The following ANGPTL7 variants were observed in gnomAD, a reference collection of about 807,000 sequenced individuals.
ANGPTL7 encodes the protein angiopoietin like 7, also known as angiopoietin-related protein 7.
Under a neutral mutation model 38.8 loss-of-function variants are expected in ANGPTL7, and 37 were observed. That is an observed-to-expected ratio of 0.95 (90% CI 0.73 to 1.25). ANGPTL7 has a LOEUF of 1.25. Among genes scored for constraint, ANGPTL7 ranks in the 50% most tolerant of loss-of-function variants. The pLI, the probability that ANGPTL7 is intolerant of heterozygous loss-of-function variation, is 0.00. For synonymous variants in ANGPTL7, 166 were observed against 163.2 expected, an observed-to-expected ratio of 1.02 and a Z score of -0.13; for missense variants, 427 against 438.6, an observed-to-expected ratio of 0.97 and a Z score of 0.24.
intron 3 of ANGPTL7, 66 bp from the exon 4 acceptor site, chr1:11,194,394 AG>A: frequency 6.9e-7 from 1 of 1,452,430 alleles, no homozygotes; most frequent in Non-Finnish European, 9.6e-7. Context: ...TCAGGAGAGA[AG>A]GGGTATAGAG....
chr1:11,190,677 T>A (rs1044879141), intron 1 of ANGPTL7, among the ~76,000 whole-genome samples: 3 of 152,246 alleles, frequency 2.0e-5, no homozygotes, highest in African/African-American at 4.8e-5. Context: ...ATAACTTTTA[T>A]TTCTGGTTAG....
chr1:11,190,841 G>GTTTAT lies in ANGPTL7; in HGVS notation c.376+886_376+887insTTTAT, dbSNP rs1186975875. On this transcript the variant is annotated intron_variant, in intron 1 of 4. Coordinates refer to ENST00000376819, the MANE Select transcript of ANGPTL7 (RefSeq NM_021146.4). ...CCATTGGTCCCATTATAAACTACAT[G>GTTTAT]AAGAACAAAGACATGATCAGCTTCT... 3.3e-5 allele frequency among the ~76,000 whole-genome samples: 5 copies of GTTTAT among 152,144 alleles called. No homozygotes were observed. In the East Asian group the frequency reaches 9.6e-4, roughly 29 times the overall value.
At chr1:11,193,806 A>G in intron 3 of ANGPTL7, 32 bp downstream of exon 3, 2 of 1,609,290 alleles carry the variant, frequency 1.2e-6, no homozygotes, top group South Asian at 1.1e-5. Context: ...CCATGACTGG[A>G]CCAGTGCCAC....
At chr1:11,191,926 G>A (rs1312537676) in intron 1 of ANGPTL7, among the ~76,000 whole-genome samples, 2 of 152,170 alleles carry the variant, frequency 1.3e-5, no homozygotes, top group Non-Finnish European at 2.9e-5. Context: ...CTATCTGACA[G>A]GAGTATCTGT....
At chr1:11,192,475 GC>G in intron 2 of ANGPTL7, 105 bp downstream of exon 2, 1 of 992,664 alleles carries the variant, frequency 1.0e-6, no homozygotes, top group South Asian at 1.4e-5. Flanking sequence ...GGAAAATTCG[GC>G]TGGGCGCAGT....
In ANGPTL7 at chr1:11,192,420, C is replaced by A. The variant is rs762478183; in HGVS notation, c.477+50C>A. 10 of 1,456,806 alleles carry A rather than the reference C, an allele frequency of 6.9e-6. No individual in the cohort carries two copies. The South Asian group carries it at 1.1e-4, about 17-fold the overall frequency. The allele number at this position is 1,456,806 out of a possible 1,614,324, so 90.2% of individuals were successfully genotyped here. A position where few individuals can be genotyped will look rare whatever the true frequency, so the allele number is the denominator to read the frequency against. On this transcript the variant is annotated intron_variant, in intron 2 of 4. Transcript: ENST00000376819. ...ATGCCCTAATACCTGTCCTTCACCC[C>A]CTCAAGGGGACTACAACAACAGGGC...
chr1:11,194,724 A>G (rs1013349536), intron 4 of ANGPTL7, 65 bp downstream of exon 4: 19 of 1,609,306 alleles, frequency 1.2e-5, no homozygotes, highest in East Asian at 2.2e-5. Context: ...CTTGAGGAGA[A>G]AGAGTGAATT....
At chr1:11,192,128 C>T (rs992044604) in intron 1 of ANGPTL7, 142 bp from the exon 2 acceptor site, 46 of 674,156 alleles carry the variant, frequency 6.8e-5, no homozygotes, top group Non-Finnish European at 1.1e-4. Flanking sequence ...TCCCCATATC[C>T]ACCTCTCCCA....
chr1:11,194,357 A>G, intron 3 of ANGPTL7, 104 bp from the exon 4 acceptor site: 1 of 1,072,206 alleles, frequency 9.3e-7, no homozygotes, highest in Admixed American at 1.9e-5. Context: ...ATTCACACCT[A>G]TAAAAAGATG....
chr1:11,191,827 C>T (rs1645543879), intron 1 of ANGPTL7, among the ~76,000 whole-genome samples: 1 of 152,208 alleles, frequency 6.6e-6, no homozygotes, highest in Non-Finnish European at 1.5e-5. Context: ...ACAACAAAAA[C>T]AACCAACCAG....
Position 11,194,998 on chromosome 1 carries a change from T to A in ANGPTL7, c.1016T>A (p.Ile339Asn), listed in dbSNP as rs1571134812. 6.2e-7 allele frequency: 1 copy of A among 1,613,456 alleles called. No individual in the cohort carries two copies. Among genetic ancestry groups the A allele is most frequent in the South Asian group, 1.1e-5 (1 of 91,050 alleles). Reference protein sequence around the residue: ...TYSLKRVEMKIRPEDFKP With the variant: ...TYSLKRVEMKNRPEDFKP ...TCCCTCAAACGGGTGGAGATGAAAA[T>A]CCGCCCAGAAGACTTCAAGCCTTAA... Residue 339 changes from isoleucine (I) to asparagine (N), a missense_variant, in exon 5 of 5, where the codon ATC (isoleucine) becomes AAC (asparagine). Transcript: ENST00000376819.
Position 11,194,625 on chromosome 1 carries a change from C to T in ANGPTL7, c.837C>T (p.Asp279=), listed in dbSNP as rs368746195. 6.2e-7 allele frequency: 1 copy of T among 1,614,204 alleles called. No individual in the cohort carries two copies. The highest frequency in any genetic ancestry group is 8.5e-7 in the Non-Finnish European group (1 of 1,180,042). ...TCAGCACCAAGGACAAGGACAATGA[C>T]AACTGCTTGGACAAGTGTGCACAGC... ...TAFSTKDKDN[D]NCLDKCAQLR... is the part of the protein sequence containing the mutation. The change falls in exon 4 of 5, where the codon GAC becomes GAT. Residue 279 remains aspartate (D), a synonymous_variant. Coordinates refer to ENST00000376819, the MANE Select transcript of ANGPTL7 (RefSeq NM_021146.4).
At chr1:11,190,536 C>G (rs1007178107) in intron 1 of ANGPTL7, among the ~76,000 whole-genome samples, 4 of 152,150 alleles carry the variant, frequency 2.6e-5, no homozygotes, top group Non-Finnish European at 5.9e-5. Flanking sequence ...TAAGGTTCCT[C>G]AATTGTGATA....
At chr1:11,194,772 T>G in intron 4 of ANGPTL7, 82 bp from the exon 5 acceptor site, 1 of 1,598,158 alleles carries the variant, frequency 6.3e-7, no homozygotes, top group Non-Finnish European at 8.5e-7. Context: ...TGGTATTCTT[T>G]CTGACCCTGG....
chr1:11,192,673 A>G (rs1206663724), intron 2 of ANGPTL7, among the ~76,000 whole-genome samples: 1 of 148,812 alleles, frequency 6.7e-6, no homozygotes, highest in Non-Finnish European at 1.5e-5. Context: ...TGAACTCAGG[A>G]GGCAGAGGTT....
chr1:11,189,857 C>T lies in ANGPTL7; in HGVS notation c.278C>T (p.Ser93Leu), dbSNP rs1473821816. The T allele has an allele frequency of 8.7e-6, 14 of 1,614,034 alleles. No individual in the cohort carries two copies. Among genetic ancestry groups the T allele is most frequent in the Middle Eastern group, 1.6e-4 (1 of 6,084 alleles). The change falls in exon 1 of 5, where the codon TCG (serine) becomes TTG (leucine). Residue 93 changes from serine to leucine, a missense_variant. Coordinates refer to ENST00000376819, the MANE Select transcript of ANGPTL7 (RefSeq NM_021146.4). The part of the protein sequence containing the change: ...ELESNSKRME[S>L]RLTDAESKYS... ...GAGAGCAACAGCAAGCGCATGGAGT[C>T]GCGGCTCACAGATGCTGAGAGCAAG...
At chr1:11,191,782 T>C (rs1033673232) in intron 1 of ANGPTL7, among the ~76,000 whole-genome samples, 2 of 152,158 alleles carry the variant, frequency 1.3e-5, no homozygotes, top group African/African-American at 2.4e-5. Context: ...CCCTTAATTA[T>C]GGTCTCAGGT....
Position 11,195,107 on chromosome 1 carries a change from T to C in ANGPTL7, c.*84T>C, listed in dbSNP as rs561131401. ...GCAGATGAGGACAGGAAGAGAGTGT[T>C]AGAAAGGGTAGGACTGAGAAACAGC... is the stretch of plus-strand genomic sequence containing the variant. On this transcript the variant is annotated 3_prime_UTR_variant, in exon 5 of 5. Coordinates refer to ENST00000376819, the MANE Select transcript of ANGPTL7 (RefSeq NM_021146.4). 1.4e-6 allele frequency: 2 copies of C among 1,423,108 alleles called. No homozygotes were observed. The highest frequency in any genetic ancestry group is 2.9e-5 in the African/African-American group (2 of 70,168). 88.2% of individuals were successfully genotyped at this position (1,423,108 alleles called of 1,614,324 possible).
chr1:11,191,032 C>T (rs193162099), intron 1 of ANGPTL7, among the ~76,000 whole-genome samples: 95 of 152,288 alleles, frequency 6.2e-4, no homozygotes, highest in Admixed American at 3.6e-3. Context: ...GGCCATTTTC[C>T]AGACAAGTGA....
Sources: allele counts gnomAD v4.1 joint callset (sites outside exome capture counted in the v4.1 genomes callset), GRCh38; gene constraint gnomAD v4.1.1; transcripts MANE v1.5; gene names NCBI Gene and HGNC (gene_info 2026-07-23, HGNC 2026-07-21).